ANO4: variants seen among roughly 807,000 people sequenced by gnomAD.
ANO4 encodes anoctamin 4.
Under a neutral mutation model 141.9 loss-of-function variants are expected in ANO4, and 69 were observed. That is an observed-to-expected ratio of 0.49 (90% CI 0.40 to 0.59). The LOEUF is 0.59. Ranked by LOEUF, ANO4 falls within the 20% of genes least tolerant of loss-of-function variation. ANO4 has a pLI of 0.00. For synonymous variants in ANO4, 350 were observed against 394.3 expected, an observed-to-expected ratio of 0.89 and a Z score of 1.33; for missense variants, 894 against 1,162.2, an observed-to-expected ratio of 0.77 and a Z score of 3.36.
intron 1 of ANO4, among the ~76,000 whole-genome samples, chr12:100,901,335 T>G (rs2040582964): frequency 6.6e-6 from 1 of 152,244 alleles, no homozygotes. Flanking sequence ...TTCTTGATTT[T>G]TATTGAAATT....
intron 3 of ANO4, among the ~76,000 whole-genome samples, chr12:100,766,028 C>T (rs1194182358): frequency 6.6e-6 from 1 of 151,916 alleles, no homozygotes; most frequent in African/African-American, 2.4e-5. Context: ...CTCCCTTTAC[C>T]CTATCCCCAG....
intron 1 of ANO4, among the ~76,000 whole-genome samples, chr12:100,800,633 AC>A (rs2034626236): frequency 6.6e-6 from 1 of 152,222 alleles, no homozygotes. Context: ...ACTTATTTGC[AC>A]TATTGTTGTG....
chr12:100,868,134 C>T (rs1593572806), intron 1 of ANO4, among the ~76,000 whole-genome samples: 1 of 152,098 alleles, frequency 6.6e-6, no homozygotes, highest in Non-Finnish European at 1.5e-5. Context: ...CTGGGGAAAG[C>T]CTGAGCCTTT....
At chr12:101,092,555 C>T (rs1338665172) in intron 17 of ANO4, among the ~76,000 whole-genome samples, 1 of 152,120 alleles carries the variant, frequency 6.6e-6, no homozygotes, top group African/African-American at 2.4e-5. Context: ...TGTGCCCTTC[C>T]CTCCTGCATC....
At chr12:100,922,357 G>A (rs1234939269) in intron 3 of ANO4, 27 bp downstream of exon 3, 14 of 1,471,954 alleles carry the variant, frequency 9.5e-6, no homozygotes, top group South Asian at 5.2e-5. Context: ...TTTTAAATTC[G>A]CCGTGAGAGA....
At chr12:100,983,965 G>A (rs2044596655) in intron 7 of ANO4, among the ~76,000 whole-genome samples, 1 of 152,176 alleles carries the variant, frequency 6.6e-6, no homozygotes, top group South Asian at 2.1e-4. Flanking sequence ...TCGTAGTGAA[G>A]TGCACACAGC....
At chr12:100,948,275 A>C (rs1351603638) in intron 5 of ANO4, among the ~76,000 whole-genome samples, 2 of 151,992 alleles carry the variant, frequency 1.3e-5, no homozygotes, top group African/African-American at 4.8e-5. Flanking sequence ...GGTGCTGCCC[A>C]GACTGTGGTT....
intron 2 of ANO4, among the ~76,000 whole-genome samples, chr12:100,734,611 T>A (rs537604435): frequency 3.9e-5 from 6 of 152,360 alleles, no homozygotes; most frequent in Non-Finnish European, 7.3e-5. Context: ...ATTTCTCCAT[T>A]TTACAGATGA....
intron 2 of ANO4, chr12:100,739,835 A>G (rs1376792675): frequency 1.4e-6 from 1 of 701,384 alleles, no homozygotes; most frequent in Middle Eastern, 2.3e-4. Flanking sequence ...CCACTCACCT[A>G]ATATGTTTAT....
chr12:101,078,317 G>A (rs1053261261), intron 14 of ANO4, among the ~76,000 whole-genome samples: 1 of 142,934 alleles, frequency 7.0e-6, no homozygotes, highest in African/African-American at 2.7e-5. Context: ...GAGTGTGAGT[G>A]AGAGAGTGTG....
chr12:100,989,465 A>G lies in ANO4; in HGVS notation c.734+1795A>G, dbSNP rs2044936654. Among the ~76,000 whole-genome samples the G allele has an allele frequency of 3.3e-5, 5 of 152,244 alleles. No homozygotes were observed. In the South Asian group the frequency reaches 1.0e-3, roughly 32 times the overall value. The stretch of plus-strand genomic sequence containing the variant: ...TTCCCTGTGCTTCTACCTGTTTATG[A>G]TAGAGTTCCTAGCACAGTGCAGAAG... On this transcript the variant is annotated intron_variant, in intron 8 of 27. Transcript: ENST00000392977.
intron 8 of ANO4, among the ~76,000 whole-genome samples, chr12:101,018,947 C>T (rs907341935): frequency 5.3e-5 from 8 of 151,200 alleles, no homozygotes; most frequent in African/African-American, 9.7e-5. Flanking sequence ...AAACATTTGA[C>T]GAACAAATGA....
chr12:100,762,723 G>T (rs1045756786), intron 3 of ANO4, among the ~76,000 whole-genome samples: 1 of 152,042 alleles, frequency 6.6e-6, no homozygotes, highest in Non-Finnish European at 1.5e-5. Flanking sequence ...TCTGGATCAG[G>T]CCTTAGAAAA....
chr12:101,085,914 C>T (rs1399642649), intron 16 of ANO4, among the ~76,000 whole-genome samples: 1 of 152,258 alleles, frequency 6.6e-6, no homozygotes, highest in South Asian at 2.1e-4. Context: ...AATAGTCAAA[C>T]AGATTGTTAG....
chr12:100,768,184 G>C (rs1265630077), intron 3 of ANO4, among the ~76,000 whole-genome samples: 1 of 152,222 alleles, frequency 6.6e-6, no homozygotes, highest in African/African-American at 2.4e-5. Flanking sequence ...GGCCATAGGG[G>C]CTGGCCTGGT....
chr12:101,012,135 G>A (rs1043000108), intron 8 of ANO4, among the ~76,000 whole-genome samples: 2 of 151,994 alleles, frequency 1.3e-5, no homozygotes, highest in Non-Finnish European at 2.9e-5. Flanking sequence ...ACAGTTTCTG[G>A]AACACCCAGT....
intron 1 of ANO4, among the ~76,000 whole-genome samples, chr12:100,841,512 G>A (rs943651550): frequency 2.0e-5 from 3 of 152,152 alleles, no homozygotes; most frequent in African/African-American, 7.2e-5. Flanking sequence ...ATGAAGCTGG[G>A]TGAGGAGATA....
At chr12:100,760,147 C>T (rs1318189946) in intron 3 of ANO4, among the ~76,000 whole-genome samples, 2 of 152,134 alleles carry the variant, frequency 1.3e-5, no homozygotes, top group Non-Finnish European at 2.9e-5. Context: ...GTGACACAGT[C>T]TTGATCCTAA....
chr12:100,945,027 A>G (rs2042668997), intron 5 of ANO4, among the ~76,000 whole-genome samples: 1 of 152,206 alleles, frequency 6.6e-6, no homozygotes, highest in South Asian at 2.1e-4. Flanking sequence ...AAAATGAAGA[A>G]CTTAGTTCAG....
Sources: gnomAD v4.1 joint callset for allele counts (sites outside exome capture counted in the v4.1 genomes callset) on GRCh38, gnomAD v4.1.1 for gene constraint, MANE v1.5 for transcripts, NCBI Gene and HGNC (gene_info 2026-07-23, HGNC 2026-07-21) for gene names.